The following TBC1D1 variants were observed in gnomAD, a reference collection of about 807,000 sequenced individuals.
The protein encoded by TBC1D1 is TBC1 domain family member 1.
In TBC1D1, 89 loss-of-function variants were observed where a neutral mutation model predicts 125.6. The observed-to-expected ratio is 0.71, with a 90% CI of 0.60 to 0.85. TBC1D1 has a LOEUF of 0.85. Ranked by LOEUF, TBC1D1 falls within the 40% of genes least tolerant of loss-of-function variation. The probability of loss-of-function intolerance (pLI) is 0.00; values close to 1 mark genes in which losing one functional copy is unlikely to be tolerated. For synonymous variants in TBC1D1, 565 were observed against 564.1 expected (o/e 1.00, Z -0.02); for missense variants, 1,377 against 1,469.2 (o/e 0.94, Z 1.03).
rs562886606 is a variant in TBC1D1 at position 38,058,228 on chromosome 4, C to G, written c.2050+3890C>G. Among the ~76,000 whole-genome samples, 10 of 152,338 alleles carry G rather than the reference C, an allele frequency of 6.6e-5. No individual in the cohort carries two copies. In the South Asian group the frequency reaches 2.1e-3, roughly 32 times the overall value. Reference sequence around the variant, plus strand: ...ACAAATCAGGCATCTTTGTCCTCTGCCACTGTCTGTTCCCCATCCTTAGGA... The same window carrying G: ...ACAAATCAGGCATCTTTGTCCTCTGGCACTGTCTGTTCCCCATCCTTAGGA... On this transcript the variant is annotated intron_variant, in intron 12 of 19. Transcript: ENST00000261439.
intron 2 of TBC1D1, among the ~76,000 whole-genome samples, chr4:37,949,337 T>C (rs1295267149): frequency 6.6e-6 from 1 of 152,374 alleles, no homozygotes; most frequent in East Asian, 1.9e-4. Context: ...AAGGAATTGA[T>C]AACTTTTATT....
chr4:37,996,617 A>G lies in TBC1D1; in HGVS notation c.418-17892A>G, dbSNP rs530402957. On this transcript the variant is annotated intron_variant, in intron 2 of 19. Transcript: ENST00000261439. ...ACTCAAGAATGCAGTTAGTGCTGTAAAGCTAGTCTGGCATATTTTAAAATT... is the reference window on the plus strand; with the variant it reads ...ACTCAAGAATGCAGTTAGTGCTGTAGAGCTAGTCTGGCATATTTTAAAATT... Among the ~76,000 whole-genome samples the G allele has an allele frequency of 7.9e-5, 12 of 152,368 alleles. No individual in the cohort carries two copies. The South Asian group carries it at 2.5e-3, about 32-fold the overall frequency.
chr4:37,909,892 G>A (rs1397106109), intron 2 of TBC1D1, among the ~76,000 whole-genome samples: 3 of 152,160 alleles, frequency 2.0e-5, no homozygotes. Flanking sequence ...TTGACTGTCT[G>A]TCACACTAGA....
chr4:38,092,197 G>T (rs1448392067), intron 13 of TBC1D1, among the ~76,000 whole-genome samples: 1 of 152,208 alleles, frequency 6.6e-6, no homozygotes, highest in Non-Finnish European at 1.5e-5. Context: ...AGAGTGTACA[G>T]TAAGTATTCA....
At chr4:37,942,794 A>T (rs1725853546) in intron 2 of TBC1D1, among the ~76,000 whole-genome samples, 1 of 151,816 alleles carries the variant, frequency 6.6e-6, no homozygotes, top group South Asian at 2.1e-4. Flanking sequence ...CCCATCTTGC[A>T]CTCCCAAAGT....
At chr4:37,963,366 G>A (rs1241760148) in intron 2 of TBC1D1, among the ~76,000 whole-genome samples, 1 of 148,966 alleles carries the variant, frequency 6.7e-6, no homozygotes, top group Non-Finnish European at 1.5e-5. Context: ...CTCTCACATG[G>A]CAGAGCAAGA....
chr4:37,951,599 T>C (rs988700030), intron 2 of TBC1D1, among the ~76,000 whole-genome samples: 1 of 152,206 alleles, frequency 6.6e-6, no homozygotes, highest in African/African-American at 2.4e-5. Flanking sequence ...GAGATTTATC[T>C]TCTGTGGTCA....
At chr4:38,134,622 A>C (rs1171333716) in intron 19 of TBC1D1, among the ~76,000 whole-genome samples, 1 of 152,214 alleles carries the variant, frequency 6.6e-6, no homozygotes, top group Non-Finnish European at 1.5e-5. Flanking sequence ...TTTGCATTGA[A>C]GTGTTTAGCT....
At chr4:37,897,099 T>C (rs1014534716) in intron 1 of TBC1D1, among the ~76,000 whole-genome samples, 1 of 152,188 alleles carries the variant, frequency 6.6e-6, no homozygotes, top group African/African-American at 2.4e-5. Flanking sequence ...AGAGTTCTCC[T>C]TGGAATATGA....
chr4:37,957,379 G>C (rs1489642601), intron 2 of TBC1D1, among the ~76,000 whole-genome samples: 1 of 152,110 alleles, frequency 6.6e-6, no homozygotes, highest in Non-Finnish European at 1.5e-5. Flanking sequence ...TAACACTTTG[G>C]GAAGCCAAGG....
intron 2 of TBC1D1, among the ~76,000 whole-genome samples, chr4:37,971,735 G>A (rs1397394783): frequency 6.6e-6 from 1 of 152,144 alleles, no homozygotes; most frequent in Non-Finnish European, 1.5e-5. Flanking sequence ...TCTTGATCCT[G>A]GCTGATAATC....
chr4:38,077,160 C>T (rs1755737717), intron 12 of TBC1D1, among the ~76,000 whole-genome samples: 1 of 152,218 alleles, frequency 6.6e-6, no homozygotes, highest in African/African-American at 2.4e-5. Context: ...CTGCCTCTGA[C>T]ATGAGATAGA....
chr4:37,938,197 A>C (rs1724800052), intron 2 of TBC1D1, among the ~76,000 whole-genome samples: 1 of 151,490 alleles, frequency 6.6e-6, no homozygotes, highest in East Asian at 1.9e-4. Context: ...CTGGGGCAGC[A>C]TAGTGAGACC....
chr4:37,978,573 A>G (rs1218463786), intron 2 of TBC1D1, among the ~76,000 whole-genome samples: 2 of 152,218 alleles, frequency 1.3e-5, no homozygotes, highest in East Asian at 3.8e-4. Context: ...TTTGCCTGTG[A>G]TTTAAGTGAT....
intron 15 of TBC1D1, chr4:38,110,406 G>A (rs1762009503): frequency 2.0e-6 from 2 of 985,224 alleles, no homozygotes; most frequent in Non-Finnish European, 2.4e-6. Context: ...AAAATTGCTG[G>A]GTGAAGGCTC....
chr4:37,978,263 G>A (rs1560560737), intron 2 of TBC1D1, among the ~76,000 whole-genome samples: 1 of 152,182 alleles, frequency 6.6e-6, no homozygotes, highest in East Asian at 1.9e-4. Flanking sequence ...CACTCCTGCA[G>A]TGCCAGGTGT....
chr4:37,978,121 G>T (rs967834271), intron 2 of TBC1D1, among the ~76,000 whole-genome samples: 6 of 152,170 alleles, frequency 3.9e-5, no homozygotes, highest in African/African-American at 1.4e-4. Flanking sequence ...GAACATCAGC[G>T]CCTTCGAGAT....
At chr4:38,008,835 C>CCTGT (rs1404985260) in intron 2 of TBC1D1, among the ~76,000 whole-genome samples, 2 of 152,178 alleles carry the variant, frequency 1.3e-5, no homozygotes, top group Admixed American at 1.3e-4. Context: ...TGTTCTGGCA[C>CCTGT]CTGTCACCTT....
At chr4:38,128,311 CA>C (rs1333408182) in intron 18 of TBC1D1, among the ~76,000 whole-genome samples, 1 of 152,266 alleles carries the variant, frequency 6.6e-6, no homozygotes, top group East Asian at 1.9e-4. Context: ...TGTTCTCTGT[CA>C]GGCTTTCTGC....
Sources: allele counts gnomAD v4.1 joint callset (sites outside exome capture counted in the v4.1 genomes callset), GRCh38; gene constraint gnomAD v4.1.1; transcripts MANE v1.5; gene names NCBI Gene and HGNC (gene_info 2026-07-23, HGNC 2026-07-21).